Variants in HAPLN1 observed in about 807,000 individuals in gnomAD.
The protein encoded by HAPLN1 is Cartilage link protein.
HAPLN1 carries 13 observed loss-of-function variants against 36.5 expected under a neutral mutation model. The ratio of observed to expected loss-of-function variants is 0.36; its 90% confidence interval spans 0.23 to 0.57. The LOEUF (loss-of-function observed/expected upper bound fraction) is 0.57. HAPLN1 is among the 20% of genes least tolerant of loss of function. The pLI, the probability that HAPLN1 is intolerant of heterozygous loss-of-function variation, is 0.83. For synonymous variants in HAPLN1, 202 were observed against 169.8 expected, an observed-to-expected ratio of 1.19 and a Z score of -1.48; for missense variants, 407 against 439.7, an observed-to-expected ratio of 0.93 and a Z score of 0.66.
chr5:83,698,911 C>T lies in HAPLN1; in HGVS notation c.-27+21878G>A, dbSNP rs142430002. 7.1e-3 allele frequency among the ~76,000 whole-genome samples: 1,086 copies of T among 152,180 alleles called. 18 individuals carry two copies. Among genetic ancestry groups the T allele is most frequent in the African/African-American group, 0.025 (1,048 of 41,518 alleles). ...CTCCAAAATTTTTCGAATACGGTAT[C>T]GTATACATGATACTCAATTCTATTT... On this transcript the variant is annotated intron_variant, in intron 1 of 4. Transcript: ENST00000274341.
chr5:83,656,523 G>C (rs1204290021), intron 2 of HAPLN1, among the ~76,000 whole-genome samples: 1 of 151,734 alleles, frequency 6.6e-6, no homozygotes, highest in Non-Finnish European at 1.5e-5. Flanking sequence ...GTGTGAAAAG[G>C]TGCACATAAA....
At chr5:83,661,208 A>ATATCTATATCTATATCGATATC (rs756067086) in intron 2 of HAPLN1, among the ~76,000 whole-genome samples, 1 of 151,892 alleles carries the variant, frequency 6.6e-6, no homozygotes, top group Non-Finnish European at 1.5e-5. Context: ...ATCTATATCT[A>ATATCTATATCTATATCGATATC]TATCTATATC....
intron 3 of HAPLN1, 38 bp downstream of exon 3, chr5:83,652,415 G>T: frequency 3.9e-6 from 6 of 1,553,738 alleles, no homozygotes; most frequent in South Asian, 2.5e-5. Context: ...AACTATTAAT[G>T]ACCATTTATA....
rs528080758 is a variant in HAPLN1, at chr5:83,661,591, T to C, written c.101-8767A>G. Among the ~76,000 whole-genome samples, 437 of 151,952 alleles carry C rather than the reference T, an allele frequency of 2.9e-3. 3 individuals carry two copies. The highest frequency in any genetic ancestry group is 9.8e-3 in the African/African-American group (408 of 41,444). On this transcript the variant is annotated intron_variant, in intron 2 of 4. Coordinates refer to ENST00000274341, the MANE Select transcript of HAPLN1 (RefSeq NM_001884.4). Reference sequence around the variant, plus strand: ...TCCCAAGTAGCTGGGACTACAGGCGTCTGCCACCCCGCCCGGCTAATTTTT... The same window carrying C: ...TCCCAAGTAGCTGGGACTACAGGCGCCTGCCACCCCGCCCGGCTAATTTTT...
intron 2 of HAPLN1, among the ~76,000 whole-genome samples, chr5:83,653,139 TTTC>T (rs1388142296): frequency 6.6e-6 from 1 of 152,192 alleles, no homozygotes; most frequent in Admixed American, 6.5e-5. Flanking sequence ...GTTTCAATTT[TTTC>T]TTCTACATTT....
chr5:83,694,201 G>T (rs929663473), intron 1 of HAPLN1, among the ~76,000 whole-genome samples: 3 of 151,798 alleles, frequency 2.0e-5, no homozygotes, highest in Non-Finnish European at 4.4e-5. Context: ...TAACCCAAGG[G>T]TCAGTGAAAA....
At chr5:83,656,600 T>C (rs375855278) in intron 2 of HAPLN1, among the ~76,000 whole-genome samples, 2 of 152,050 alleles carry the variant, frequency 1.3e-5, no homozygotes, top group East Asian at 1.9e-4. Flanking sequence ...ATTGGGGAAA[T>C]TGAAGATGTC....
At chr5:83,677,603 T>A (rs759308392) in intron 1 of HAPLN1, among the ~76,000 whole-genome samples, 37 of 144,548 alleles carry the variant, frequency 2.6e-4, no homozygotes, top group Non-Finnish European at 4.0e-4. Context: ...CCTGACAAAC[T>A]GAGAAAAATC....
intron 3 of HAPLN1, among the ~76,000 whole-genome samples, chr5:83,650,975 GA>G (rs1750045114): frequency 6.6e-6 from 1 of 152,038 alleles, no homozygotes; most frequent in Admixed American, 6.6e-5. Flanking sequence ...AACATAGGTT[GA>G]AGCTCCTTTA....
At chr5:83,648,830 C>T (rs1440218513) in intron 3 of HAPLN1, among the ~76,000 whole-genome samples, 1 of 152,052 alleles carries the variant, frequency 6.6e-6, no homozygotes, top group Non-Finnish European at 1.5e-5. Flanking sequence ...AAGTGATAAC[C>T]AGAAGGTATG....
intron 1 of HAPLN1, among the ~76,000 whole-genome samples, chr5:83,719,915 G>C (rs1239702444): frequency 1.3e-5 from 2 of 152,126 alleles, no homozygotes; most frequent in African/African-American, 4.8e-5. Context: ...ACATGTACAG[G>C]AACACTTTCC....
chr5:83,678,220 GGTGTGTGTGTGT>G (rs56962854), intron 1 of HAPLN1, among the ~76,000 whole-genome samples: 2 of 142,536 alleles, frequency 1.4e-5, no homozygotes, highest in African/African-American at 5.1e-5. Flanking sequence ...CTATAGTTTG[GGTGTGTGTGTGT>G]GTGTGTGTGT....
chr5:83,702,455 G>A (rs374090495), intron 1 of HAPLN1, among the ~76,000 whole-genome samples: 3 of 152,222 alleles, frequency 2.0e-5, no homozygotes, highest in Admixed American at 6.5e-5. Context: ...TACAAAAGAC[G>A]CAGGAACTGA....
At chr5:83,694,408 A>G (rs974254105) in intron 1 of HAPLN1, among the ~76,000 whole-genome samples, 2 of 152,002 alleles carry the variant, frequency 1.3e-5, no homozygotes, top group African/African-American at 2.4e-5. Flanking sequence ...ATGAAACCCA[A>G]TGTAAGCAGA....
chr5:83,682,907 C>A (rs1751040769), intron 1 of HAPLN1, among the ~76,000 whole-genome samples: 1 of 151,968 alleles, frequency 6.6e-6, no homozygotes. Flanking sequence ...ACTTCTTTGG[C>A]TCAGGAATTT....
At chr5:83,688,700 G>A (rs1009455259) in intron 1 of HAPLN1, among the ~76,000 whole-genome samples, 1 of 113,728 alleles carries the variant, frequency 8.8e-6, no homozygotes, top group Admixed American at 1.2e-4. Flanking sequence ...TTTGAGGAAA[G>A]CTTATTTAAA....
intron 1 of HAPLN1, among the ~76,000 whole-genome samples, chr5:83,689,567 G>T (rs1318306502): frequency 6.6e-6 from 1 of 152,060 alleles, no homozygotes; most frequent in Non-Finnish European, 1.5e-5. Flanking sequence ...TCACTATTTT[G>T]CCTGGGGCAG....
chr5:83,684,626 C>T (rs935958889), intron 1 of HAPLN1, among the ~76,000 whole-genome samples: 5 of 152,138 alleles, frequency 3.3e-5, no homozygotes, highest in Non-Finnish European at 5.9e-5. Flanking sequence ...TGTGAGGGAG[C>T]TTGGCCTGCT....
intron 1 of HAPLN1, among the ~76,000 whole-genome samples, chr5:83,692,676 T>C (rs974388140): frequency 6.6e-6 from 1 of 151,960 alleles, no homozygotes; most frequent in Non-Finnish European, 1.5e-5. Context: ...ACTGGATTTA[T>C]GCAAAGAATG....
Sources: gnomAD v4.1 joint callset for allele counts (sites outside exome capture counted in the v4.1 genomes callset) on GRCh38, gnomAD v4.1.1 for gene constraint, MANE v1.5 for transcripts, NCBI Gene and HGNC (gene_info 2026-07-23, HGNC 2026-07-21) for gene names.